HELZ: variants seen among roughly 807,000 people sequenced by gnomAD.
The protein encoded by HELZ is helicase with zinc finger, also known as ATP-dependent RNA helicase with zinc finger domain.
Under a neutral mutation model 218.2 loss-of-function variants are expected in HELZ, and 23 were observed. The observed-to-expected ratio is 0.11, with a 90% CI of 0.08 to 0.15. The LOEUF (loss-of-function observed/expected upper bound fraction) is 0.15, where lower values mean the gene tolerates loss of function less well. Ranked by LOEUF, HELZ falls within the 10% of genes least tolerant of loss-of-function variation. HELZ has a pLI of 1.00. For synonymous variants in HELZ, 814 were observed against 829.4 expected (o/e 0.98, Z 0.32); for missense variants, 1,813 against 2,353.7 (o/e 0.77, Z 4.75).
intron 5 of HELZ, among the ~76,000 whole-genome samples, chr17:67,213,158 A>G (rs2143241611): frequency 6.6e-6 from 1 of 152,362 alleles, no homozygotes; most frequent in Non-Finnish European, 1.5e-5. Flanking sequence ...ACAAGACTGC[A>G]TCAATTTCAC....
chr17:67,112,701 TG>T (rs2037316213), intron 28 of HELZ, among the ~76,000 whole-genome samples: 1 of 152,180 alleles, frequency 6.6e-6, no homozygotes, highest in Non-Finnish European at 1.5e-5. Flanking sequence ...TATCATGAAG[TG>T]GATACTTAAA....
intron 24 of HELZ, 115 bp from the exon 25 acceptor site, chr17:67,124,129 A>T (rs1366633073): frequency 1.5e-6 from 1 of 676,588 alleles, no homozygotes; most frequent in African/African-American, 1.9e-5. Flanking sequence ...AAAATCTAAA[A>T]ACTGTGAGTC....
In HELZ at chr17:67,102,757, A is replaced by G. The variant is rs139714907; in HGVS notation, c.5241+4412T>C. ...GCTAAAAAAATATTATCTTTGTCAA[A>G]TAAATTTTTCAGTGTTGTCAGTAAA... is the stretch of plus-strand genomic sequence containing the variant. On this transcript the variant is annotated intron_variant, in intron 31 of 32. Coordinates refer to ENST00000358691, the MANE Select transcript of HELZ (RefSeq NM_014877.4). 3.4e-3 allele frequency among the ~76,000 whole-genome samples: 512 copies of G among 152,366 alleles called. 1 individual carries two copies. The highest frequency in any genetic ancestry group is 5.6e-3 in the Non-Finnish European group (380 of 68,024).
chr17:67,116,034 GGA>G (rs1731394102), intron 27 of HELZ, among the ~76,000 whole-genome samples: 1 of 152,034 alleles, frequency 6.6e-6, no homozygotes, highest in South Asian at 2.1e-4. Flanking sequence ...ATACAGGCTA[GGA>G]GAGAAAAAAT....
At chr17:67,224,828 C>T in intron 3 of HELZ, 1 of 1,047,964 alleles carries the variant, frequency 9.5e-7, no homozygotes, top group East Asian at 2.9e-5. Flanking sequence ...TCTCTGTATG[C>T]CCAGGGAAAG....
intron 32 of HELZ, among the ~76,000 whole-genome samples, chr17:67,082,866 T>G (rs796974529): frequency 0.011 from 1,650 of 149,326 alleles, 24 homozygotes; most frequent in South Asian, 0.017. Context: ...TTTTGTTTTT[T>G]TTTTTTTTGA....
At chr17:67,217,462 G>A (rs1011067108) in intron 4 of HELZ, among the ~76,000 whole-genome samples, 1 of 152,132 alleles carries the variant, frequency 6.6e-6, no homozygotes, top group Non-Finnish European at 1.5e-5. Flanking sequence ...TCCCTTTACA[G>A]TTTATTCTCA....
rs2036569838 is a variant in HELZ at position 67,091,340 on chromosome 17, C to G, written c.5242-4259G>C. 2.0e-5 allele frequency among the ~76,000 whole-genome samples: 3 copies of G among 152,020 alleles called. No individual in the cohort carries two copies. The South Asian group carries it at 6.2e-4, about 32-fold the overall frequency. On this transcript the variant is annotated intron_variant, in intron 31 of 32. Coordinates refer to ENST00000358691, the MANE Select transcript of HELZ (RefSeq NM_014877.4). ...CTCAATTCATTACTCTGAAAATTGA[C>G]TAATAAAGGGCAAGGATTAAACATT... is the stretch of plus-strand genomic sequence containing the variant.
intron 15 of HELZ, 40 bp downstream of exon 15, chr17:67,166,438 T>C (rs753520759): frequency 1.3e-6 from 2 of 1,544,338 alleles, no homozygotes; most frequent in Middle Eastern, 1.7e-4. Context: ...CAATTTAATA[T>C]TAACCTAACT....
intron 13 of HELZ, among the ~76,000 whole-genome samples, chr17:67,172,583 G>A (rs1233192920): frequency 6.6e-6 from 1 of 151,784 alleles, no homozygotes; most frequent in Non-Finnish European, 1.5e-5. Context: ...AACTATCTTG[G>A]GCCACATATA....
intron 13 of HELZ, among the ~76,000 whole-genome samples, chr17:67,177,663 T>C (rs1010650235): frequency 7.9e-5 from 12 of 152,062 alleles, no homozygotes; most frequent in African/African-American, 1.2e-4. Flanking sequence ...AAAAAGCCTT[T>C]TAAGACACCA....
chr17:67,226,260 AAAAAAAAAAAAGAAAAAAGG>A (rs1307429545), intron 3 of HELZ, among the ~76,000 whole-genome samples: 7 of 150,488 alleles, frequency 4.7e-5, no homozygotes, highest in Non-Finnish European at 8.9e-5. Flanking sequence ...TCCATCTCAA[AAAAAAAAAAAAGAAAAAAGG>A]AAAAAAAAAA....
At chr17:67,189,491 A>C (rs1287820492) in intron 11 of HELZ, 98 bp downstream of exon 11, 1 of 710,806 alleles carries the variant, frequency 1.4e-6, no homozygotes, top group Non-Finnish European at 2.5e-6. Flanking sequence ...TTAGATTAAA[A>C]TATTTTCAAT....
At chr17:67,177,294 G>T (rs565067652) in intron 13 of HELZ, among the ~76,000 whole-genome samples, 89 of 152,044 alleles carry the variant, frequency 5.9e-4, no homozygotes, top group African/African-American at 2.1e-3. Flanking sequence ...ATTTTGTAGG[G>T]TTTCTCCTTT....
At chr17:67,196,805 C>T (rs1483119006) in intron 7 of HELZ, among the ~76,000 whole-genome samples, 1 of 152,116 alleles carries the variant, frequency 6.6e-6, no homozygotes, top group Admixed American at 6.6e-5. Context: ...TCTTCTTACC[C>T]AAAGAGAGCC....
rs531423759 is a variant in HELZ at position 67,153,916 on chromosome 17, A to C, written c.2178-2692T>G. On this transcript the variant is annotated intron_variant, in intron 17 of 32. Transcript: ENST00000358691. ...GATAATTTCTACTCAGCTTCCAAAAAAGTTTAAGAGCAAAATCTGGTGCTT... is the reference window on the plus strand; with the variant it reads ...GATAATTTCTACTCAGCTTCCAAAACAGTTTAAGAGCAAAATCTGGTGCTT... Among the ~76,000 whole-genome samples, 4 of 152,330 alleles carry C rather than the reference A, an allele frequency of 2.6e-5. No homozygotes were observed. The South Asian group carries it at 6.2e-4, about 24-fold the overall frequency.
chr17:67,155,360 C>A (rs1036342185), intron 17 of HELZ, among the ~76,000 whole-genome samples: 1 of 152,114 alleles, frequency 6.6e-6, no homozygotes, highest in African/African-American at 2.4e-5. Context: ...GACAAATTAT[C>A]TAAGAGCTGT....
At chr17:67,089,972 C>T (rs1356979991) in intron 31 of HELZ, among the ~76,000 whole-genome samples, 2 of 151,962 alleles carry the variant, frequency 1.3e-5, no homozygotes, top group Non-Finnish European at 2.9e-5. Flanking sequence ...ATGTTGAGAA[C>T]AAATGTCTTG....
chr17:67,091,152 T>C (rs1039616703), intron 31 of HELZ, among the ~76,000 whole-genome samples: 1 of 152,054 alleles, frequency 6.6e-6, no homozygotes, highest in African/African-American at 2.4e-5. Flanking sequence ...ATATTTCTAA[T>C]GAAGAACCTT....
Sources: gnomAD v4.1 joint callset for allele counts (sites outside exome capture counted in the v4.1 genomes callset) on GRCh38, gnomAD v4.1.1 for gene constraint, MANE v1.5 for transcripts, NCBI Gene and HGNC (gene_info 2026-07-23, HGNC 2026-07-21) for gene names.